Variants in BEND5 observed in about 807,000 individuals in gnomAD.
BEND5 encodes the protein BEN domain containing 5, also known as BEN domain-containing protein 5.
Under a neutral mutation model 43.9 loss-of-function variants are expected in BEND5, and 22 were observed. The observed-to-expected ratio is 0.50, with a 90% CI of 0.36 to 0.72. The LOEUF (loss-of-function observed/expected upper bound fraction) is 0.72, where lower values mean the gene tolerates loss of function less well. Among genes scored for constraint, BEND5 ranks in the 30% least tolerant of loss-of-function variants. The pLI, the probability that BEND5 is intolerant of heterozygous loss-of-function variation, is 0.00. For synonymous variants in BEND5, 228 were observed against 225.9 expected (o/e 1.01, Z -0.08); for missense variants, 428 against 550.6 (o/e 0.78, Z 2.23).
chr1:48,738,608 C>T (rs1283063397), intron 4 of BEND5, among the ~76,000 whole-genome samples: 1 of 152,204 alleles, frequency 6.6e-6, no homozygotes, highest in Admixed American at 6.5e-5. Flanking sequence ...AGGAGAAAAA[C>T]AAGGAACTTT....
rs1439792750 is a variant in BEND5, at chr1:48,776,798, CGTT to C, written c.31_33del (p.Asn11del). On this transcript the variant is annotated inframe_deletion, in exon 1 of 6. Transcript: ENST00000371833. ...CACGACACGGGCAGCGCGTAGCAGACGTTGTCCTCCAGGAACCGCACAAAGGCG... is the reference window on the plus strand; with the variant it reads ...CACGACACGGGCAGCGCGTAGCAGACGTCCTCCAGGAACCGCACAAAGGCG... 3 of 1,524,030 alleles carry C rather than the reference CGTT, an allele frequency of 2.0e-6. No homozygotes were observed. The African/African-American group carries it at 4.3e-5, about 22-fold the overall frequency. The allele number at this position is 1,524,030 out of a possible 1,614,324, so 94.4% of individuals were successfully genotyped here. A position where few individuals can be genotyped will look rare whatever the true frequency, so the allele number is the denominator to read the frequency against.
chr1:48,741,998 A>G (rs1649987462), intron 4 of BEND5, among the ~76,000 whole-genome samples: 1 of 152,218 alleles, frequency 6.6e-6, no homozygotes, highest in Non-Finnish European at 1.5e-5. Flanking sequence ...TTCCATTACT[A>G]ATAATCTTAA....
chr1:48,730,741 C>T (rs907117167), intron 5 of BEND5, among the ~76,000 whole-genome samples: 2 of 152,174 alleles, frequency 1.3e-5, no homozygotes, highest in South Asian at 2.1e-4. Flanking sequence ...GAATGTCTCC[C>T]TCTGCGAGGG....
rs746087223 is a variant in BEND5, at chr1:48,736,320, C to T, written c.1027G>A (p.Val343Ile). 4.3e-6 allele frequency: 7 copies of T among 1,614,054 alleles called. No homozygotes were observed. The highest frequency in any genetic ancestry group is 1.1e-5 in the South Asian group (1 of 91,078). Residue 343 changes from valine (V) to isoleucine (I), a missense_variant, in exon 5 of 6, where the codon GTC becomes ATC. This residue lies in a region of BEND5 where 75 missense variants were observed against 148.5 expected (regional missense o/e 0.50). Transcript: ENST00000371833. This position sits in a 1 kb window ranked among gnomAD's most constrained non-coding sequence, Gnocchi z 4.0. ...TTTTTTTTTGTGGCGACGCCTGTGA[C>T]GCTTCTGTTTTTCAGAACATCTGTT... The part of the protein sequence containing the change: ...WGTDVLKNRS[V>I]TGVATKKKKD...
intron 4 of BEND5, among the ~76,000 whole-genome samples, 159 bp downstream of exon 4, chr1:48,742,464 A>C (rs977263831): frequency 6.6e-6 from 1 of 152,242 alleles, no homozygotes; most frequent in Non-Finnish European, 1.5e-5. Flanking sequence ...CAGCAAAGCT[A>C]CGCTACTGAT....
intron 5 of BEND5, among the ~76,000 whole-genome samples, chr1:48,732,952 G>A (rs1008547781): frequency 2.0e-5 from 3 of 152,210 alleles, no homozygotes; most frequent in African/African-American, 4.8e-5. Flanking sequence ...AGGAATGATC[G>A]TGTCAAACAG....
At chr1:48,751,852 G>A (rs1455646186) in intron 3 of BEND5, among the ~76,000 whole-genome samples, 1 of 152,178 alleles carries the variant, frequency 6.6e-6, no homozygotes, top group East Asian at 1.9e-4. Context: ...AGTCTAGGGA[G>A]AAAGGGGAAG....
rs763897262 is a variant in BEND5 at position 48,762,656 on chromosome 1, G to GTGTGTGTGTGTA, written c.227-1187_227-1186insTACACACACACA. 1.5e-3 allele frequency among the ~76,000 whole-genome samples: 204 copies of GTGTGTGTGTGTA among 138,712 alleles called. No individual in the cohort carries two copies. The Middle Eastern group carries it at 0.034, about 23-fold the overall frequency. The allele number at this position is 138,712 out of a possible 152,430, so 91.0% of individuals were successfully genotyped here. On this transcript the variant is annotated intron_variant, in intron 1 of 5. Coordinates refer to ENST00000371833, the MANE Select transcript of BEND5 (RefSeq NM_024603.4). ...TGTGTGTGTGTGTGTGTGTGTGTGT[G>GTGTGTGTGTGTA]TGTATGTATTTGCATGTGTTAAACA...
At chr1:48,763,228 T>C (rs1644365949) in intron 1 of BEND5, among the ~76,000 whole-genome samples, 1 of 152,180 alleles carries the variant, frequency 6.6e-6, no homozygotes, top group South Asian at 2.1e-4. Flanking sequence ...AAACGGCCTT[T>C]CCCACTGAGT....
chr1:48,731,148 T>C (rs1262003671), intron 5 of BEND5, among the ~76,000 whole-genome samples: 1 of 151,986 alleles, frequency 6.6e-6, no homozygotes, highest in East Asian at 1.9e-4. Context: ...ACAATCTCAA[T>C]CCAGCAGACA....
In BEND5 at chr1:48,736,503, G is replaced by A; in HGVS notation, c.895-51C>T. ...CTGTTTAGTCCGACAGGAGGGCAGT[G>A]GGAGGCTTCTCTTGTCCTTTAAAAA... is the stretch of plus-strand genomic sequence containing the variant. On this transcript the variant is annotated intron_variant, in intron 4 of 5. Coordinates refer to ENST00000371833, the MANE Select transcript of BEND5 (RefSeq NM_024603.4). The surrounding 1 kb of genome is among the most constrained non-coding windows in gnomAD (Gnocchi z 4.0). 1 of 1,502,484 alleles carries A rather than the reference G, an allele frequency of 6.7e-7. No homozygotes were observed. Among genetic ancestry groups the A allele is most frequent in the Non-Finnish European group, 9.2e-7 (1 of 1,083,026 alleles). 93.1% of individuals were successfully genotyped at this position (1,502,484 alleles called of 1,614,324 possible). A position where few individuals can be genotyped will look rare whatever the true frequency, so the allele number is the denominator to read the frequency against.
At chr1:48,738,909 C>T (rs915002701) in intron 4 of BEND5, among the ~76,000 whole-genome samples, 7 of 152,056 alleles carry the variant, frequency 4.6e-5, no homozygotes, top group Non-Finnish European at 1.0e-4. Flanking sequence ...AAATTATTTT[C>T]CCATTTTACA....
intron 1 of BEND5, among the ~76,000 whole-genome samples, chr1:48,772,593 G>A (rs900579236): frequency 3.3e-5 from 5 of 152,124 alleles, no homozygotes; most frequent in Admixed American, 6.5e-5. Context: ...GTCTAAGGAG[G>A]GCTATGAATG....
chr1:48,752,290 A>G (rs1651864269), intron 3 of BEND5, among the ~76,000 whole-genome samples: 1 of 152,198 alleles, frequency 6.6e-6, no homozygotes, highest in African/African-American at 2.4e-5. Flanking sequence ...AACAGGCCCC[A>G]AGAAGAGAGT....
At chr1:48,758,191 G>A (rs147700602) in intron 3 of BEND5, among the ~76,000 whole-genome samples, 82 of 152,308 alleles carry the variant, frequency 5.4e-4, no homozygotes, top group African/African-American at 1.7e-3. Context: ...CTAAGGTCAT[G>A]TGCCTCCCTG....
In BEND5 at chr1:48,770,824, T is replaced by G. The variant is rs919164096; in HGVS notation, c.226+5782A>C. On this transcript the variant is annotated intron_variant, in intron 1 of 5. Transcript: ENST00000371833. Reference sequence around the variant, plus strand: ...TTACTAAGTCCCATGAATTAGTCCCTCCTTCCTTAAAATATCTCAGGTCCA... The same window carrying G: ...TTACTAAGTCCCATGAATTAGTCCCGCCTTCCTTAAAATATCTCAGGTCCA... Among the ~76,000 whole-genome samples, 5 of 152,304 alleles carry G rather than the reference T, an allele frequency of 3.3e-5. No individual in the cohort carries two copies. In the East Asian group the frequency reaches 5.8e-4, roughly 18 times the overall value.
chr1:48,749,713 G>A (rs1651357794), intron 3 of BEND5, among the ~76,000 whole-genome samples: 1 of 152,188 alleles, frequency 6.6e-6, no homozygotes, highest in Non-Finnish European at 1.5e-5. Flanking sequence ...ACCTCTAGAA[G>A]CTCTGAACTT....
chr1:48,746,476 T>G lies in BEND5; in HGVS notation c.746-3705A>C, dbSNP rs118117128. Among the ~76,000 whole-genome samples, 37 of 152,294 alleles carry G rather than the reference T, an allele frequency of 2.4e-4. No individual in the cohort carries two copies. In the East Asian group the frequency reaches 6.8e-3, roughly 28 times the overall value. ...TCACGAAGGTGTCCTAAGGGACTGA[T>G]AGACTTCTGTCAAATATTGAAGCTA... On this transcript the variant is annotated intron_variant, in intron 3 of 5. Coordinates refer to ENST00000371833, the MANE Select transcript of BEND5 (RefSeq NM_024603.4).
chr1:48,757,512 G>GAGTGACT (rs1188512264), intron 3 of BEND5, among the ~76,000 whole-genome samples: 1 of 152,124 alleles, frequency 6.6e-6, no homozygotes, highest in Non-Finnish European at 1.5e-5. Flanking sequence ...CCTATGAATT[G>GAGTGACT]AGTGACTAGA....
Sources: gnomAD v4.1 joint callset for allele counts (sites outside exome capture counted in the v4.1 genomes callset) on GRCh38, gnomAD v4.1.1 for gene constraint, gnomAD v4.1.1 regional missense constraint, Gnocchi (gnomAD v3.1) non-coding constraint, MANE v1.5 for transcripts, NCBI Gene and HGNC (gene_info 2026-07-23, HGNC 2026-07-21) for gene names.